The following FGF14 variants were observed in gnomAD, a reference collection of about 807,000 sequenced individuals.
The protein encoded by FGF14 is fibroblast growth factor homologous factor 4.
Under a neutral mutation model 25.5 loss-of-function variants are expected in FGF14, and 5 were observed. The observed-to-expected ratio is 0.20, with a 90% CI of 0.10 to 0.41. The LOEUF is 0.41. Ranked by LOEUF, FGF14 falls within the 10% of genes least tolerant of loss-of-function variation. The probability of loss-of-function intolerance (pLI) is 1.00; values close to 1 mark genes in which losing one functional copy is unlikely to be tolerated. For synonymous variants in FGF14, 138 were observed against 118.3 expected, an observed-to-expected ratio of 1.17 and a Z score of -1.08; for missense variants, 222 against 320.1, an observed-to-expected ratio of 0.69 and a Z score of 2.34.
At chr13:101,963,169 T>TGTTGG (rs1032289692) in intron 1 of FGF14, among the ~76,000 whole-genome samples, 14 of 152,362 alleles carry the variant, frequency 9.2e-5, no homozygotes, top group African/African-American at 3.4e-4. Flanking sequence ...GAGAATGAAA[T>TGTTGG]GTTGGTTTCT....
intron 1 of FGF14, among the ~76,000 whole-genome samples, chr13:101,947,966 T>C (rs574886842): frequency 6.6e-6 from 1 of 152,318 alleles, no homozygotes; most frequent in African/African-American, 2.4e-5. Context: ...AAATAAAGAA[T>C]ATTGATTCAA....
intron 1 of FGF14, among the ~76,000 whole-genome samples, chr13:101,932,208 G>A (rs748557077): frequency 6.6e-6 from 1 of 152,134 alleles, no homozygotes; most frequent in Non-Finnish European, 1.5e-5. Flanking sequence ...AGGAAAAGGT[G>A]TATGGCGTTC....
upstream of FGF14, among the ~76,000 whole-genome samples, chr13:101,920,179 G>C (rs1404362846): frequency 1.3e-5 from 2 of 152,136 alleles, no homozygotes; most frequent in African/African-American, 4.8e-5. Flanking sequence ...ACCAATTCAG[G>C]GCCGGTGAAC....
At chr13:101,726,843 A>G in intron 3 of FGF14, 33 bp from the exon 4 acceptor site, 2 of 1,486,522 alleles carry the variant, frequency 1.3e-6, no homozygotes, top group Non-Finnish European at 1.9e-6. Context: ...AAGTTAGAGG[A>G]AGGAACTTGA....
chr13:102,064,093 C>T (rs546918339), intron 1 of FGF14, among the ~76,000 whole-genome samples: 2 of 152,046 alleles, frequency 1.3e-5, no homozygotes, highest in Admixed American at 6.5e-5. Context: ...CCAGATTGGC[C>T]GAAGGATGTT....
At chr13:101,757,685 A>G (rs2037753459) in intron 3 of FGF14, among the ~76,000 whole-genome samples, 2 of 152,260 alleles carry the variant, frequency 1.3e-5, no homozygotes, top group South Asian at 4.1e-4. Flanking sequence ...ACCTCACTCA[A>G]TTGCCTTGCC....
At chr13:102,213,579 A>G (rs921651463) in intron 1 of FGF14, among the ~76,000 whole-genome samples, 1 of 152,224 alleles carries the variant, frequency 6.6e-6, no homozygotes, top group Admixed American at 6.5e-5. Flanking sequence ...GGAAACCTTG[A>G]AATATTGTAT....
intron 1 of FGF14, among the ~76,000 whole-genome samples, chr13:102,163,530 T>C (rs2047870404): frequency 6.6e-6 from 1 of 152,110 alleles, no homozygotes; most frequent in African/African-American, 2.4e-5. Context: ...AAATGCTCTA[T>C]AACAAGAGTT....
chr13:101,775,607 AGAGTT>A (rs1392021209), intron 3 of FGF14, among the ~76,000 whole-genome samples: 3 of 152,288 alleles, frequency 2.0e-5, no homozygotes, highest in African/African-American at 7.2e-5. Flanking sequence ...AGATGCACTT[AGAGTT>A]ATTTCCCTGT....
chr13:102,145,453 G>A (rs1452352525), intron 1 of FGF14, among the ~76,000 whole-genome samples: 1 of 152,134 alleles, frequency 6.6e-6, no homozygotes, highest in Non-Finnish European at 1.5e-5. Context: ...TCATTATGCT[G>A]CTGAATTAAC....
chr13:102,054,716 G>C (rs1167269114), intron 1 of FGF14, among the ~76,000 whole-genome samples: 1 of 152,054 alleles, frequency 6.6e-6, no homozygotes, highest in Non-Finnish European at 1.5e-5. Flanking sequence ...ATTCAACTTA[G>C]GGTATCCAAA....
At chr13:101,885,526 G>A (rs904360132) in intron 1 of FGF14, among the ~76,000 whole-genome samples, 1 of 152,116 alleles carries the variant, frequency 6.6e-6, no homozygotes, top group Non-Finnish European at 1.5e-5. Context: ...TGCTGGGAAA[G>A]GCACTACTCA....
At chr13:102,133,451 T>C (rs994414279) in intron 1 of FGF14, among the ~76,000 whole-genome samples, 1 of 152,184 alleles carries the variant, frequency 6.6e-6, no homozygotes, top group Non-Finnish European at 1.5e-5. Flanking sequence ...CATTTAAGTA[T>C]GTATATATAT....
In FGF14 at chr13:102,105,528, C is replaced by T. The variant is rs533330385; in HGVS notation, c.209-230232G>A. On this transcript the variant is annotated intron_variant, in intron 1 of 4. Transcript: ENST00000376131. Reference sequence around the variant, plus strand: ...ATGGAAATTCGGAGGCATCTCTGGGCATTTTTATCACTGATAATCATTACC... The same window carrying T: ...ATGGAAATTCGGAGGCATCTCTGGGTATTTTTATCACTGATAATCATTACC... Among the ~76,000 whole-genome samples, 31 of 152,240 alleles carry T rather than the reference C, an allele frequency of 2.0e-4. 1 individual carries two copies. The highest frequency in any genetic ancestry group is 6.7e-4 in the African/African-American group (28 of 41,550).
Position 101,713,587 on chromosome 13 carries a change from T to C in FGF14, c.*9244A>G, listed in dbSNP as rs368790414. On this transcript the variant is annotated 3_prime_UTR_variant, in exon 5 of 5. Coordinates refer to ENST00000376143, the MANE Select transcript of FGF14 (RefSeq NM_004115.4). ...TTCCTGCTGTCGTTGAGGCAGTTTT[T>C]CCATGTAAGGGTTTTTAGTCTGTCA... 10 of 152,312 alleles carry C rather than the reference T, an allele frequency of 6.6e-5. No individual in the cohort carries two copies. Among genetic ancestry groups the C allele is most frequent in the African/African-American group, 1.4e-4 (6 of 41,576 alleles). The allele number at this position is 152,312 out of a possible 1,614,324, so 9.4% of individuals were successfully genotyped here.
chr13:101,750,092 C>T (rs934056958), intron 3 of FGF14, among the ~76,000 whole-genome samples: 10 of 152,070 alleles, frequency 6.6e-5, no homozygotes, highest in Admixed American at 1.3e-4. Context: ...ACCAAGTCTT[C>T]CAGCACTTTG....
At chr13:101,888,069 T>A (rs1161306510) in intron 1 of FGF14, among the ~76,000 whole-genome samples, 1 of 152,164 alleles carries the variant, frequency 6.6e-6, no homozygotes, top group Non-Finnish European at 1.5e-5. Flanking sequence ...CAAAGTATTT[T>A]TTGAAGACAG....
chr13:102,334,079 G>A (rs994956106), intron 1 of FGF14, among the ~76,000 whole-genome samples: 6 of 152,106 alleles, frequency 3.9e-5, no homozygotes, highest in South Asian at 2.1e-4. Context: ...GAAAGATGAC[G>A]TCAAAAGGGG....
chr13:102,288,367 C>T lies in FGF14; in HGVS notation c.208+113104G>A, dbSNP rs565519071. 5.3e-5 allele frequency among the ~76,000 whole-genome samples: 8 copies of T among 152,196 alleles called. No homozygotes were observed. The South Asian group carries it at 1.7e-3, about 32-fold the overall frequency. On this transcript the variant is annotated intron_variant, in intron 1 of 4. Transcript: ENST00000376131. ...TTCTAAGTGCAGCATAAGAGATTTA[C>T]TTTTTTACTATTCCATAATAATATT...
Sources: allele counts gnomAD v4.1 joint callset (sites outside exome capture counted in the v4.1 genomes callset), GRCh38; gene constraint gnomAD v4.1.1; transcripts MANE v1.5; gene names NCBI Gene and HGNC (gene_info 2026-07-23, HGNC 2026-07-21).